MAP4K3: variants seen among roughly 807,000 people sequenced by gnomAD.
The protein encoded by MAP4K3 is MAPK/ERK kinase kinase kinase 3.
A neutral mutation model predicts 143.5 loss-of-function variants in MAP4K3; 94 were observed. The observed-to-expected ratio is 0.65, with a 90% confidence interval of 0.55 to 0.78. MAP4K3 has a LOEUF of 0.78. Ranked by LOEUF, MAP4K3 falls within the 30% of genes least tolerant of loss-of-function variation. MAP4K3 has a pLI of 0.00. For missense variants in MAP4K3, 1,077 were observed against 1,068.1 expected (o/e 1.01, Z -0.12); for synonymous variants, 416 against 347.2 (o/e 1.20, Z -2.20).
intron 1 of MAP4K3, among the ~76,000 whole-genome samples, chr2:39,397,375 ACTT>A (rs1257753503): frequency 1.1e-4 from 17 of 152,306 alleles, no homozygotes; most frequent in South Asian, 2.1e-4. Context: ...AAAAATAAAG[ACTT>A]CATTTCCAAT....
intron 32 of MAP4K3, among the ~76,000 whole-genome samples, chr2:39,252,644 A>AAT (rs1428500672): frequency 1.3e-5 from 2 of 152,234 alleles, no homozygotes; most frequent in African/African-American, 4.8e-5. Flanking sequence ...CTGAACACAA[A>AAT]ATATTATGAA....
At chr2:39,395,478 G>T (rs1396573366) in intron 1 of MAP4K3, among the ~76,000 whole-genome samples, 1 of 152,120 alleles carries the variant, frequency 6.6e-6, no homozygotes, top group African/African-American at 2.4e-5. Flanking sequence ...AAACTCTTCT[G>T]TTATACAATA....
rs541309675 is a variant in MAP4K3 at position 39,255,381 on chromosome 2, T to C, written c.2471-861A>G. Among the ~76,000 whole-genome samples the C allele has an allele frequency of 5.9e-5, 9 of 152,344 alleles. No individual in the cohort carries two copies. The South Asian group carries it at 1.9e-3, about 32-fold the overall frequency. On this transcript the variant is annotated intron_variant, in intron 31 of 33. Coordinates refer to ENST00000263881, the MANE Select transcript of MAP4K3 (RefSeq NM_003618.4). ...ATATTTATATTTTTAATATACTTTT[T>C]GGCATGTATTCAGGGAGGAATAAAT...
intron 15 of MAP4K3, among the ~76,000 whole-genome samples, chr2:39,301,510 C>T (rs1269106927): frequency 6.6e-6 from 1 of 151,080 alleles, no homozygotes; most frequent in Non-Finnish European, 1.5e-5. Flanking sequence ...GGCCCTCTAT[C>T]AGACCAGCTA....
intron 2 of MAP4K3, among the ~76,000 whole-genome samples, chr2:39,377,232 T>C (rs1666244068): frequency 2.9e-5 from 2 of 70,160 alleles, no homozygotes; most frequent in Admixed American, 3.5e-4. Flanking sequence ...AAAAAGTTTT[T>C]CCACTCTTGC....
At chr2:39,390,151 G>T (rs889709716) in intron 1 of MAP4K3, among the ~76,000 whole-genome samples, 2 of 152,168 alleles carry the variant, frequency 1.3e-5, no homozygotes, top group African/African-American at 4.8e-5. Flanking sequence ...GTTTGGAAAT[G>T]TGGAGGGACA....
At chr2:39,353,073 T>C (rs1665504109) in intron 3 of MAP4K3, among the ~76,000 whole-genome samples, 1 of 152,142 alleles carries the variant, frequency 6.6e-6, no homozygotes, top group African/African-American at 2.4e-5. Flanking sequence ...AGCAATACAG[T>C]ATGCCAAAAA....
intron 2 of MAP4K3, among the ~76,000 whole-genome samples, chr2:39,376,569 C>T (rs1666224550): frequency 6.6e-6 from 1 of 152,050 alleles, no homozygotes. Context: ...GTACTATGTG[C>T]CAGGCCCTAA....
At chr2:39,422,065 A>G (rs1015021737) in intron 1 of MAP4K3, among the ~76,000 whole-genome samples, 3 of 151,456 alleles carry the variant, frequency 2.0e-5, no homozygotes, top group African/African-American at 7.3e-5. Flanking sequence ...AAGAGGGATT[A>G]CATTCTGTTC....
chr2:39,369,205 G>GTTTTTTTTTTTTTTTTTTTTTTTTTTTT (rs68013609), intron 2 of MAP4K3, among the ~76,000 whole-genome samples: 5 of 125,376 alleles, frequency 4.0e-5, no homozygotes, highest in South Asian at 2.5e-4. Flanking sequence ...TTTTTTTTTT[G>GTTTTTTTTTTTTTTTTTTTTTTTTTTTT]TTTTTTTTGA....
rs1280146680 is a variant in MAP4K3, at chr2:39,326,326, T to G, written c.531-49A>C. 3 of 1,591,430 alleles carry G rather than the reference T, an allele frequency of 1.9e-6. No individual in the cohort carries two copies. In the South Asian group the frequency reaches 3.4e-5, roughly 18 times the overall value. On this transcript the variant is annotated intron_variant, in intron 8 of 33. Transcript: ENST00000263881. ...AAAAAACTTCTGTTATATGTTTTCC[T>G]TTATACTCCCACCCAGAGGCACAAG... is the stretch of plus-strand genomic sequence containing the variant.
At position 39,290,084 on chromosome 2, in the gene MAP4K3, C is replaced by CA. The variant is rs57058905; in HGVS notation, c.1314+207dup. On this transcript the variant is annotated intron_variant, in intron 19 of 33. Coordinates refer to ENST00000263881, the MANE Select transcript of MAP4K3 (RefSeq NM_003618.4). ...CCTGGGTGACAGAGTGAGACTGTCT[C>CA]AAAAAAAAAAAAAAAAAAAAAAAGA... Among the ~76,000 whole-genome samples the CA allele has an allele frequency of 2.2e-3, 244 of 111,926 alleles. 4 individuals are homozygous for CA. Among genetic ancestry groups the CA allele is most frequent in the African/African-American group, 8.3e-3 (220 of 26,570 alleles). The allele number at this position is 111,926 out of a possible 152,430, so 73.4% of individuals were successfully genotyped here. A position where few individuals can be genotyped will look rare whatever the true frequency, so the allele number is the denominator to read the frequency against.
In MAP4K3 at chr2:39,288,157, G is replaced by A; in HGVS notation, c.1438C>T (p.Pro480Ser). 2 of 1,614,124 alleles carry A rather than the reference G, an allele frequency of 1.2e-6. No homozygotes were observed. The highest frequency in any genetic ancestry group is 1.7e-6 in the Non-Finnish European group (2 of 1,180,018). The stretch of plus-strand genomic sequence containing the variant: ...GGTTTGTGTGGGGGTAATCTGGGAG[G>A]TGGTGGTCTAGGTGGAACTTGGGAT... ...KPSQVPPRPP[P>S]PRLPPHKPVA... The change falls in exon 20 of 34, where the codon CCT becomes TCT. Residue 480 changes from proline to serine, a missense_variant. This residue lies in a region of MAP4K3 where 864 missense variants were observed against 801.2 expected (regional missense o/e 1.08). Transcript: ENST00000263881.
chr2:39,292,654 T>C (rs1220299441), intron 18 of MAP4K3, 119 bp downstream of exon 18: 1 of 812,082 alleles, frequency 1.2e-6, no homozygotes. Flanking sequence ...GAAACTGAGA[T>C]ACAACCCATG....
At chr2:39,351,283 T>C (rs1194484340) in intron 3 of MAP4K3, among the ~76,000 whole-genome samples, 1 of 152,212 alleles carries the variant, frequency 6.6e-6, no homozygotes, top group Non-Finnish European at 1.5e-5. Flanking sequence ...AATTCCAATT[T>C]TCTATACACA....
At chr2:39,304,724 G>A (rs529971398) in intron 15 of MAP4K3, among the ~76,000 whole-genome samples, 6 of 152,214 alleles carry the variant, frequency 3.9e-5, no homozygotes, top group Non-Finnish European at 5.9e-5. Flanking sequence ...CAAAAGAATC[G>A]AAAGCAGGGA....
intron 33 of MAP4K3, among the ~76,000 whole-genome samples, chr2:39,251,067 T>C (rs1423065960): frequency 6.6e-6 from 1 of 152,198 alleles, no homozygotes; most frequent in Non-Finnish European, 1.5e-5. Context: ...CGCTGCACAA[T>C]GGATGAATAA....
At chr2:39,282,490 C>T (rs751279363) in intron 22 of MAP4K3, 23 bp downstream of exon 22, 25 of 1,596,622 alleles carry the variant, frequency 1.6e-5, no homozygotes, top group Non-Finnish European at 1.2e-5. Flanking sequence ...TGAAACTTAG[C>T]CTACTCCATA....
intron 1 of MAP4K3, among the ~76,000 whole-genome samples, chr2:39,416,750 C>G (rs1339978387): frequency 2.6e-5 from 4 of 152,174 alleles, no homozygotes; most frequent in African/African-American, 7.2e-5. Flanking sequence ...TCTTCCTTAG[C>G]ATAAAAAAGA....
Sources: allele counts gnomAD v4.1 joint callset (sites outside exome capture counted in the v4.1 genomes callset), GRCh38; gene constraint gnomAD v4.1.1; regional missense constraint gnomAD v4.1.1; transcripts MANE v1.5; gene names NCBI Gene and HGNC (gene_info 2026-07-23, HGNC 2026-07-21).